TYW3: variants seen among roughly 807,000 people sequenced by gnomAD.
TYW3 encodes the protein tRNA-yW synthesizing protein 3 homolog.
A neutral mutation model predicts 23.1 loss-of-function variants in TYW3; 26 were observed. The observed-to-expected ratio is 1.13, with a 90% CI of 0.83 to 1.56. TYW3 has a LOEUF of 1.56. TYW3 is among the 40% of genes most tolerant of loss of function. The pLI is 0.00. For synonymous variants in TYW3, 102 were observed against 105.7 expected, an observed-to-expected ratio of 0.97 and a Z score of 0.21; for missense variants, 316 against 311.9, an observed-to-expected ratio of 1.01 and a Z score of -0.10.
chr1:74,733,441 C>T, intron 1 of TYW3, 23 bp downstream of exon 1: 1 of 1,612,522 alleles, frequency 6.2e-7, no homozygotes, highest in East Asian at 2.2e-5. Flanking sequence ...TGCGCCTGTC[C>T]ATCGCCTGCC....
rs898624060 is a variant in TYW3 at position 74,736,460 on chromosome 1, A to G, written c.175-82A>G. 3.3e-6 allele frequency: 3 copies of G among 906,538 alleles called. No individual in the cohort carries two copies. The African/African-American group carries it at 5.2e-5, about 16-fold the overall frequency. The allele number at this position is 906,538 out of a possible 1,614,324, so 56.2% of individuals were successfully genotyped here. On this transcript the variant is annotated intron_variant, in intron 1 of 5. Transcript: ENST00000370867. ...TGACTTGGGATTATTAATTTAAGAA[A>G]GCCTACAATATACTATGCATTATGC...
At chr1:74,747,746 T>C (rs6689048) in intron 3 of TYW3, among the ~76,000 whole-genome samples, 24 of 137,956 alleles carry the variant, frequency 1.7e-4, no homozygotes, top group Admixed American at 4.3e-4. Flanking sequence ...TACACACACA[T>C]ATATGTATAT....
rs1649291734 is a variant in TYW3, at chr1:74,765,883, A to G, written c.*1770A>G. The G allele has an allele frequency of 6.6e-6, 1 of 152,140 alleles. No homozygotes were observed. The highest frequency in any genetic ancestry group is 2.1e-4 in the South Asian group (1 of 4,824). The allele number at this position is 152,140 out of a possible 1,614,324, so 9.4% of individuals were successfully genotyped here. A position where few individuals can be genotyped will look rare whatever the true frequency, so the allele number is the denominator to read the frequency against. ...CTGTTTATATAAGGTATAGTATAGT[A>G]TAATCTGTTTATATAAGGTTAGTAG... On this transcript the variant is annotated 3_prime_UTR_variant, in exon 6 of 6. Coordinates refer to ENST00000370867, the MANE Select transcript of TYW3 (RefSeq NM_138467.3).
intron 3 of TYW3, among the ~76,000 whole-genome samples, chr1:74,743,292 A>G (rs1288975685): frequency 6.6e-6 from 1 of 151,708 alleles, no homozygotes; most frequent in Non-Finnish European, 1.5e-5. Context: ...CTAAGTCTGC[A>G]GCCTTTCTCG....
intron 3 of TYW3, among the ~76,000 whole-genome samples, chr1:74,748,187 T>C (rs1222226824): frequency 1.3e-5 from 2 of 152,118 alleles, no homozygotes; most frequent in African/African-American, 4.8e-5. Flanking sequence ...CCCCTGGGGT[T>C]CAAAATTATT....
chr1:74,739,960 T>A (rs1648294409), intron 3 of TYW3, among the ~76,000 whole-genome samples: 1 of 152,202 alleles, frequency 6.6e-6, no homozygotes. Context: ...CAAGGATAAC[T>A]ACTTAGGTCT....
At chr1:74,752,689 G>A (rs1024597961) in intron 5 of TYW3, among the ~76,000 whole-genome samples, 18 of 152,108 alleles carry the variant, frequency 1.2e-4, no homozygotes, top group African/African-American at 4.1e-4. Context: ...TGGCATAAAG[G>A]GGAGAAACAT....
chr1:74,763,594 T>C (rs1485878209), intron 5 of TYW3, among the ~76,000 whole-genome samples: 1 of 152,104 alleles, frequency 6.6e-6, no homozygotes, highest in Non-Finnish European at 1.5e-5. Flanking sequence ...AAATGAGCCA[T>C]TACATTTATG....
At chr1:74,760,712 A>G (rs1327058112) in intron 5 of TYW3, among the ~76,000 whole-genome samples, 2 of 152,216 alleles carry the variant, frequency 1.3e-5, no homozygotes, top group African/African-American at 2.4e-5. Flanking sequence ...CCTGTCACAT[A>G]CATGTTGTTT....
chr1:74,752,457 T>C, intron 5 of TYW3, 32 bp downstream of exon 5: 1 of 1,598,256 alleles, frequency 6.3e-7, no homozygotes. Flanking sequence ...ATGTTATTCT[T>C]ATATGCCTAG....
At chr1:74,759,280 G>C (rs1264093827) in intron 5 of TYW3, among the ~76,000 whole-genome samples, 1 of 152,108 alleles carries the variant, frequency 6.6e-6, no homozygotes, top group African/African-American at 2.4e-5. Context: ...TTGGAAATAG[G>C]GGTAACACAG....
chr1:74,749,382 A>C (rs1021732254), intron 4 of TYW3, among the ~76,000 whole-genome samples: 7 of 152,212 alleles, frequency 4.6e-5, no homozygotes, highest in Non-Finnish European at 5.9e-5. Context: ...AAAGTCAAAA[A>C]TGTTTACTAT....
chr1:74,756,340 G>T (rs191911866), intron 5 of TYW3, among the ~76,000 whole-genome samples: 1 of 152,186 alleles, frequency 6.6e-6, no homozygotes, highest in Non-Finnish European at 1.5e-5. Flanking sequence ...CTAGAGACTT[G>T]TCTAATGGCT....
rs1214185834 is a variant in TYW3, at chr1:74,764,136, GCC to G, written c.*24_*25del. ...TAAGCTTTGGTTCTGATGTGTCTTG[GCC>G]GTAATGTTTCTAGTAGGTTTTATAA... On this transcript the variant is annotated 3_prime_UTR_variant, in exon 6 of 6. Coordinates refer to ENST00000370867, the MANE Select transcript of TYW3 (RefSeq NM_138467.3). The G allele has an allele frequency of 6.3e-7, 1 of 1,584,900 alleles. No homozygotes were observed.
intron 5 of TYW3, among the ~76,000 whole-genome samples, chr1:74,759,515 A>C (rs1055653167): frequency 6.6e-6 from 1 of 151,882 alleles, no homozygotes; most frequent in Non-Finnish European, 1.5e-5. Context: ...GCACATGGTC[A>C]AGTCTTACCA....
At chr1:74,739,930 G>C (rs1252202117) in intron 3 of TYW3, among the ~76,000 whole-genome samples, 1 of 152,192 alleles carries the variant, frequency 6.6e-6, no homozygotes, top group East Asian at 1.9e-4. Context: ...ACAGCCAGAG[G>C]GAGGAGGAGA....
intron 5 of TYW3, among the ~76,000 whole-genome samples, chr1:74,758,367 T>C (rs1412749079): frequency 6.6e-6 from 1 of 152,256 alleles, no homozygotes; most frequent in African/African-American, 2.4e-5. Context: ...TCTTACCTTA[T>C]TCTAAATCCC....
chr1:74,745,976 G>T (rs1648554529), intron 3 of TYW3, among the ~76,000 whole-genome samples: 1 of 152,162 alleles, frequency 6.6e-6, no homozygotes, highest in Non-Finnish European at 1.5e-5. Flanking sequence ...CCATCCTTAT[G>T]ATTTCATTTA....
chr1:74,760,113 TAAGG>T (rs748717973), intron 5 of TYW3, among the ~76,000 whole-genome samples: 1 of 152,212 alleles, frequency 6.6e-6, no homozygotes, highest in Non-Finnish European at 1.5e-5. Flanking sequence ...AAGAAAATCA[TAAGG>T]AAGAGAAAAT....
Sources: allele counts gnomAD v4.1 joint callset (sites outside exome capture counted in the v4.1 genomes callset), GRCh38; gene constraint gnomAD v4.1.1; transcripts MANE v1.5; gene names NCBI Gene and HGNC (gene_info 2026-07-23, HGNC 2026-07-21).